The following CENPN variants were observed in gnomAD, a reference collection of about 807,000 sequenced individuals.
The protein encoded by CENPN is centromere protein N, also known as interphase centromere complex protein 32.
A neutral mutation model predicts 48.6 loss-of-function variants in CENPN; 36 were observed. The ratio of observed to expected loss-of-function variants is 0.74; its 90% CI spans 0.57 to 0.98. The LOEUF is 0.98. Ranked by LOEUF, CENPN falls within the 50% of genes least tolerant of loss-of-function variation. The probability of loss-of-function intolerance (pLI) is 0.00; values close to 1 mark genes in which losing one functional copy is unlikely to be tolerated. For synonymous variants in CENPN, 166 were observed against 135.2 expected, an observed-to-expected ratio of 1.23 and a Z score of -1.58; for missense variants, 439 against 399.2, an observed-to-expected ratio of 1.10 and a Z score of -0.85.
intron 8 of CENPN, among the ~76,000 whole-genome samples, chr16:81,025,537 G>A (rs977963030): frequency 6.6e-6 from 1 of 152,094 alleles, no homozygotes; most frequent in African/African-American, 2.4e-5. Context: ...ATAAAATTGT[G>A]TGTATCTTAC....
Position 81,028,607 on chromosome 16 carries a change from A to T in CENPN, c.976A>T (p.Ile326Leu), listed in dbSNP as rs1970621094. 1.2e-6 allele frequency: 2 copies of T among 1,611,544 alleles called. No individual in the cohort carries two copies. The highest frequency in any genetic ancestry group is 1.7e-6 in the Non-Finnish European group (2 of 1,179,532). Reference sequence around the variant, plus strand: ...TCCACTTTCTCCACTGCTCACTTGCATACCCAACAAGAGAATGAATTATTT... The same window carrying T: ...TCCACTTTCTCCACTGCTCACTTGCTTACCCAACAAGAGAATGAATTATTT... Reference protein sequence around the residue: ...DAPLSPLLTCIPNKRMNYFKI... With the variant: ...DAPLSPLLTCLPNKRMNYFKI... The change falls in exon 11 of 11, where the codon ATA (isoleucine) becomes TTA (leucine). Residue 326 changes from isoleucine to leucine, a missense_variant. By Grantham distance (5) the Ile-to-Leu change is conservative (BLOSUM62 2). Coordinates refer to ENST00000305850, the MANE Select transcript of CENPN (RefSeq NM_001100624.3).
intron 8 of CENPN, 75 bp downstream of exon 8, chr16:81,024,853 C>A: frequency 1.1e-6 from 1 of 948,026 alleles, no homozygotes; most frequent in Non-Finnish European, 1.6e-6. Context: ...CTTGGTAAAA[C>A]GTGTATAGTA....
chr16:81,017,630 T>C, intron 4 of CENPN, 128 bp from the exon 5 acceptor site: 1 of 745,034 alleles, frequency 1.3e-6, no homozygotes, highest in Non-Finnish European at 2.3e-6. Flanking sequence ...CTAGCACCAT[T>C]TGTGTGATTT....
chr16:81,016,008 A>G (rs1407333189), intron 3 of CENPN, among the ~76,000 whole-genome samples: 1 of 151,758 alleles, frequency 6.6e-6, no homozygotes, highest in Non-Finnish European at 1.5e-5. Flanking sequence ...TGTCTCAAAA[A>G]AAAAAAGGAA....
chr16:81,029,442 C>A lies in CENPN; in HGVS notation c.*791C>A. On this transcript the variant is annotated 3_prime_UTR_variant, in exon 11 of 11. Coordinates refer to ENST00000305850, the MANE Select transcript of CENPN (RefSeq NM_001100624.3). ...TGAGACAGGGTCTCACTGTGTCACC[C>A]AAGCTGGAGTGCAGTGGCATGATCA... 1 of 338,350 alleles carries A rather than the reference C, an allele frequency of 3.0e-6. No homozygotes were observed. The highest frequency in any genetic ancestry group is 4.2e-6 in the Non-Finnish European group (1 of 238,624). The allele number at this position is 338,350 out of a possible 1,614,324, so 21.0% of individuals were successfully genotyped here.
At chr16:81,014,215 A>C in intron 3 of CENPN, 34 bp downstream of exon 3, 1 of 1,589,864 alleles carries the variant, frequency 6.3e-7, no homozygotes, top group East Asian at 2.2e-5. Flanking sequence ...ATACTTAACC[A>C]ATCAGTTTAT....
chr16:81,018,599 T>A (rs1024518807), intron 5 of CENPN, among the ~76,000 whole-genome samples: 3 of 152,208 alleles, frequency 2.0e-5, no homozygotes, highest in African/African-American at 7.2e-5. Context: ...TTTGCTTTTT[T>A]AATGTAAAAC....
At position 81,026,568 on chromosome 16, in the gene CENPN, G is replaced by A; in HGVS notation, c.740G>A (p.Arg247Lys). 1.2e-6 allele frequency: 2 copies of A among 1,607,232 alleles called. No homozygotes were observed. Among genetic ancestry groups the A allele is most frequent in the Non-Finnish European group, 1.7e-6 (2 of 1,175,208 alleles). ...CATGAAAACATAGTAGAAAAAGAGAGAGTCCAACGAATAACTCAAGAAACA... is the reference window on the plus strand; with the variant it reads ...CATGAAAACATAGTAGAAAAAGAGAAAGTCCAACGAATAACTCAAGAAACA... ...IIHENIVEKE[R>K]VQRITQETFG... Residue 247 changes from arginine to lysine, a missense_variant, in exon 9 of 11, where the codon AGA becomes AAA. Arg to Lys is a conservative substitution (Grantham distance 26). Coordinates refer to ENST00000305850, the MANE Select transcript of CENPN (RefSeq NM_001100624.3).
intron 9 of CENPN, 64 bp downstream of exon 9, chr16:81,026,702 T>G (rs74996604): frequency 5.3e-6 from 4 of 760,806 alleles, no homozygotes; most frequent in South Asian, 4.1e-5. Context: ...ACAAAAACCT[T>G]AAGTGGAAAA....
chr16:81,029,392 A>G lies in CENPN; in HGVS notation c.*741A>G, dbSNP rs1970664555. ...CTTTTTAAAAATTTTTTCCTTTCTA[A>G]TTTTTTATTTCTTTATTTATTTATT... On this transcript the variant is annotated 3_prime_UTR_variant, in exon 11 of 11. Coordinates refer to ENST00000305850, the MANE Select transcript of CENPN (RefSeq NM_001100624.3). 5.8e-6 allele frequency: 4 copies of G among 694,026 alleles called. No individual in the cohort carries two copies. Among genetic ancestry groups the G allele is most frequent in the Non-Finnish European group, 7.1e-6 (4 of 564,432 alleles). The allele number at this position is 694,026 out of a possible 1,614,324, so 43.0% of individuals were successfully genotyped here.
rs748190925 is a variant in CENPN, at chr16:81,017,372, G to A, written c.264G>A (p.Met88Ile). 5 of 1,589,924 alleles carry A rather than the reference G, an allele frequency of 3.1e-6. No homozygotes were observed. Among genetic ancestry groups the A allele is most frequent in the Non-Finnish European group, 4.3e-6 (5 of 1,158,818 alleles). The change falls in exon 4 of 11, where the codon ATG (methionine) becomes ATA (isoleucine). Residue 88 changes from methionine (M) to isoleucine (I), a missense_variant. Met to Ile is a conservative substitution (Grantham distance 10). Coordinates refer to ENST00000305850, the MANE Select transcript of CENPN (RefSeq NM_001100624.3). ...QHQKVWEVFQ[M>I]SKGPGEDVDL... ...AGAAAGTTTGGGAAGTTTTTCAGAT[G>A]AGTAAAGGACCAGGTAATATTTTCT... is the stretch of plus-strand genomic sequence containing the variant.
intron 1 of CENPN, among the ~76,000 whole-genome samples, chr16:81,010,456 C>T (rs1194713570): frequency 6.6e-6 from 1 of 152,136 alleles, no homozygotes; most frequent in Non-Finnish European, 1.5e-5. Context: ...AGATTTGGGG[C>T]TCAGGACCTT....
rs1970685212 is a variant in CENPN, at chr16:81,029,813, A to C, written c.*1162A>C. ...TGATCTCAAACTCCTGGGCTCAAGC[A>C]ATCTGCCCATTTTAGCCTCCTAAAA... On this transcript the variant is annotated 3_prime_UTR_variant, in exon 11 of 11. Transcript: ENST00000305850. 6.6e-6 allele frequency among the ~76,000 whole-genome samples: 1 copy of C among 152,116 alleles called. No individual in the cohort carries two copies. Among genetic ancestry groups the C allele is most frequent in the African/African-American group, 2.4e-5 (1 of 41,420 alleles).
chr16:81,011,804 A>G, intron 1 of CENPN, 126 bp from the exon 2 acceptor site: 2 of 742,004 alleles, frequency 2.7e-6, no homozygotes, highest in Non-Finnish European at 4.3e-6. Context: ...AGAGTTCAAG[A>G]CCAACGTGGG....
chr16:81,019,371 C>G (rs895211051), intron 5 of CENPN, among the ~76,000 whole-genome samples: 1 of 150,968 alleles, frequency 6.6e-6, no homozygotes, highest in South Asian at 2.1e-4. Context: ...CACATGTCAC[C>G]GTGCCTGGCT....
chr16:81,019,562 G>C (rs1190723458), intron 5 of CENPN, among the ~76,000 whole-genome samples: 1 of 152,032 alleles, frequency 6.6e-6, no homozygotes. Flanking sequence ...GCGTGTGCTA[G>C]GTCTGGGTTA....
intron 9 of CENPN, among the ~76,000 whole-genome samples, chr16:81,027,497 A>G (rs1970559675): frequency 6.6e-6 from 1 of 152,224 alleles, no homozygotes. Context: ...AAACAAAGAA[A>G]GAAATCTCAG....
intron 6 of CENPN, chr16:81,022,385 T>C: frequency 4.1e-6 from 2 of 491,038 alleles, no homozygotes; most frequent in Non-Finnish European, 7.2e-6. Flanking sequence ...TTCTAAGAAA[T>C]GATACAAAAG....
At chr16:81,007,299 C>G (rs1007450904) in intron 1 of CENPN, 22 bp downstream of exon 1, 1 of 153,050 alleles carries the variant, frequency 6.5e-6, no homozygotes, top group South Asian at 2.1e-4. Flanking sequence ...CCGGGCGGCA[C>G]TGGATCGGGC....
Sources: gnomAD v4.1 joint callset for allele counts (sites outside exome capture counted in the v4.1 genomes callset) on GRCh38, gnomAD v4.1.1 for gene constraint, MANE v1.5 for transcripts, NCBI Gene and HGNC (gene_info 2026-07-23, HGNC 2026-07-21) for gene names.